The following OSBPL8 variants were observed in gnomAD, a reference collection of about 807,000 sequenced individuals.
OSBPL8 encodes oxysterol-binding protein-related protein 8.
OSBPL8 carries 59 observed loss-of-function variants against 125.5 expected under a neutral mutation model. The ratio of observed to expected loss-of-function variants is 0.47; its 90% CI spans 0.38 to 0.58. The LOEUF is 0.58. OSBPL8 is among the 20% of genes least tolerant of loss of function. OSBPL8 has a pLI of 0.00. For synonymous variants in OSBPL8, 330 were observed against 338.9 expected, an observed-to-expected ratio of 0.97 and a Z score of 0.29; for missense variants, 758 against 1,047.8, an observed-to-expected ratio of 0.72 and a Z score of 3.82.
At chr12:76,366,184 T>C (rs1347175995) in intron 21 of OSBPL8, among the ~76,000 whole-genome samples, 2 of 152,206 alleles carry the variant, frequency 1.3e-5, no homozygotes, top group Non-Finnish European at 2.9e-5. Context: ...TTTTGTAGAA[T>C]TCACCAGTGC....
At chr12:76,528,393 C>T (rs1950237742) in intron 1 of OSBPL8, among the ~76,000 whole-genome samples, 1 of 151,492 alleles carries the variant, frequency 6.6e-6, no homozygotes, top group South Asian at 2.1e-4. Context: ...ATTCACGAGC[C>T]ATTTCTAAGA....
chr12:76,484,377 T>C (rs1360002779), intron 2 of OSBPL8, among the ~76,000 whole-genome samples: 1 of 152,242 alleles, frequency 6.6e-6, no homozygotes, highest in African/African-American at 2.4e-5. Context: ...TGTGGAGCAA[T>C]CACTGAATCT....
intron 1 of OSBPL8, among the ~76,000 whole-genome samples, chr12:76,551,695 A>G (rs1367464077): frequency 6.6e-6 from 1 of 152,156 alleles, no homozygotes; most frequent in Non-Finnish European, 1.5e-5. Context: ...CAGAGTCACA[A>G]TGGCACATGC....
intron 9 of OSBPL8, among the ~76,000 whole-genome samples, chr12:76,393,254 GTTTTATT>G (rs1953640450): frequency 6.6e-6 from 1 of 152,094 alleles, no homozygotes; most frequent in South Asian, 2.1e-4. Context: ...AACATTAATA[GTTTTATT>G]TTTTAAGTAA....
chr12:76,383,997 A>G (rs992502812), intron 15 of OSBPL8, among the ~76,000 whole-genome samples: 4 of 152,246 alleles, frequency 2.6e-5, no homozygotes, highest in African/African-American at 9.6e-5. Flanking sequence ...GAAACACTTT[A>G]TGCACTAAAG....
chr12:76,528,893 T>G lies in OSBPL8; in HGVS notation c.-68+30504A>C, dbSNP rs149469181. Among the ~76,000 whole-genome samples, 25 of 150,768 alleles carry G rather than the reference T, an allele frequency of 1.7e-4. No individual in the cohort carries two copies. The East Asian group carries it at 4.4e-3, about 27-fold the overall frequency. ...AAAAATAAGTAAAGTATAGCAACTT[T>G]AAAATTTCATCAAATTTTTCACTTC... On this transcript the variant is annotated intron_variant, in intron 1 of 23. Coordinates refer to ENST00000261183, the MANE Select transcript of OSBPL8 (RefSeq NM_020841.5).
rs1340661061 is a variant in OSBPL8, at chr12:76,401,488, TGAAG to T, written c.366+1197_366+1200del. On this transcript the variant is annotated intron_variant, in intron 6 of 23. Transcript: ENST00000261183. ...TCATTTAATCCTCACAACAACCTTG[TGAAG>T]TAGAAGTATTATTATCCTTATTTTA... is the stretch of plus-strand genomic sequence containing the variant. Among the ~76,000 whole-genome samples, 11 of 152,180 alleles carry T rather than the reference TGAAG, an allele frequency of 7.2e-5. No individual in the cohort carries two copies. The East Asian group carries it at 2.1e-3, about 29-fold the overall frequency.
chr12:76,381,121 G>A (rs1386831144), intron 15 of OSBPL8, among the ~76,000 whole-genome samples: 1 of 151,772 alleles, frequency 6.6e-6, no homozygotes, highest in Non-Finnish European at 1.5e-5. Flanking sequence ...TTATTTATAT[G>A]TCCATATATT....
intron 1 of OSBPL8, among the ~76,000 whole-genome samples, chr12:76,529,338 C>G (rs1020913592): frequency 6.6e-6 from 1 of 151,970 alleles, no homozygotes; most frequent in Non-Finnish European, 1.5e-5. Flanking sequence ...GTTACTATCC[C>G]CTTCCAAAAA....
chr12:76,558,586 T>C (rs1951180195), intron 1 of OSBPL8, among the ~76,000 whole-genome samples: 2 of 152,372 alleles, frequency 1.3e-5, no homozygotes, highest in South Asian at 2.1e-4. Flanking sequence ...AGTTAAAGTT[T>C]ACCCATCTGT....
At chr12:76,432,988 T>C (rs1347814581) in intron 4 of OSBPL8, among the ~76,000 whole-genome samples, 2 of 152,162 alleles carry the variant, frequency 1.3e-5, no homozygotes, top group Non-Finnish European at 2.9e-5. Flanking sequence ...ACATGATCAC[T>C]TTAGTAAATG....
chr12:76,450,895 T>A lies in OSBPL8; in HGVS notation c.173A>T (p.Asp58Val). The A allele has an allele frequency of 6.2e-7, 1 of 1,613,794 alleles. No individual in the cohort carries two copies. Among genetic ancestry groups the A allele is most frequent in the Non-Finnish European group, 8.5e-7 (1 of 1,179,884 alleles). Residue 58 changes from aspartate (D) to valine (V), a missense_variant, in exon 4 of 24, where the codon GAT (aspartate) becomes GTT (valine). Physicochemically the swap from Asp to Val is radical, Grantham distance 152 (BLOSUM62 -3). Transcript: ENST00000261183. ...TGGACTAAGAGATGGCTGATGCAAA[T>A]CTTTGGTTGGCGTTGGATAAGCTTC... ...GKEAYPTPTK[D>V]LHQPSLSPAS...
chr12:76,404,870 G>T (rs1357767761), intron 5 of OSBPL8, among the ~76,000 whole-genome samples: 1 of 152,166 alleles, frequency 6.6e-6, no homozygotes, highest in East Asian at 1.9e-4. Context: ...GGGGAGGGCA[G>T]GGTCAGTGCC....
At chr12:76,499,696 C>T (rs1393412449) in intron 1 of OSBPL8, among the ~76,000 whole-genome samples, 4 of 152,004 alleles carry the variant, frequency 2.6e-5, no homozygotes, top group African/African-American at 9.7e-5. Flanking sequence ...ACTAAAAATA[C>T]AAAAATTAGC....
At chr12:76,542,169 C>G (rs1167802524) in intron 1 of OSBPL8, among the ~76,000 whole-genome samples, 1 of 152,122 alleles carries the variant, frequency 6.6e-6, no homozygotes, top group Non-Finnish European at 1.5e-5. Flanking sequence ...GAAACTCCAT[C>G]TCAAAAAAAT....
intron 14 of OSBPL8, among the ~76,000 whole-genome samples, chr12:76,385,872 T>C (rs1039464363): frequency 6.6e-6 from 1 of 151,632 alleles, no homozygotes; most frequent in East Asian, 1.9e-4. Flanking sequence ...TGATCAAAAG[T>C]TGTTTAGGAA....
Position 76,354,573 on chromosome 12 carries a change from T to C in OSBPL8, c.*1316A>G, listed in dbSNP as rs1432017307. On this transcript the variant is annotated 3_prime_UTR_variant, in exon 24 of 24. Transcript: ENST00000261183. ...TTCAAAATCTATGCTTTCAGGATTC[T>C]AAGACATATTTTAGAACAACATATT... is the stretch of plus-strand genomic sequence containing the variant. 6.6e-6 allele frequency: 1 copy of C among 151,986 alleles called. No individual in the cohort carries two copies. Among genetic ancestry groups the C allele is most frequent in the East Asian group, 1.9e-4 (1 of 5,200 alleles). The allele number at this position is 151,986 out of a possible 1,614,324, so 9.4% of individuals were successfully genotyped here.
intron 21 of OSBPL8, 33 bp from the exon 22 acceptor site, chr12:76,358,844 C>T: frequency 7.0e-6 from 11 of 1,567,756 alleles, no homozygotes; most frequent in Non-Finnish European, 9.7e-6. Flanking sequence ...TGTGAATTTG[C>T]ACTGTATTTT....
At chr12:76,375,028 T>C (rs539708068) in intron 17 of OSBPL8, among the ~76,000 whole-genome samples, 2 of 152,308 alleles carry the variant, frequency 1.3e-5, no homozygotes, top group African/African-American at 4.8e-5. Flanking sequence ...ACAGTTTTAT[T>C]AATTAAGATG....
Sources: allele counts gnomAD v4.1 joint callset (sites outside exome capture counted in the v4.1 genomes callset), GRCh38; gene constraint gnomAD v4.1.1; transcripts MANE v1.5; gene names NCBI Gene and HGNC (gene_info 2026-07-23, HGNC 2026-07-21).